CPXM2: variants seen among roughly 807,000 people sequenced by gnomAD.
The protein encoded by CPXM2 is inactive carboxypeptidase-like protein X2.
In CPXM2, 66 loss-of-function variants were observed where a neutral mutation model predicts 86.1. The observed-to-expected ratio is 0.77, with a 90% CI of 0.63 to 0.94. The LOEUF is 0.94. Ranked by LOEUF, CPXM2 falls within the 40% of genes least tolerant of loss-of-function variation. The pLI is 0.00. For missense variants in CPXM2, 948 were observed against 1,026.3 expected, an observed-to-expected ratio of 0.92 and a Z score of 1.04; for synonymous variants, 388 against 400.2, an observed-to-expected ratio of 0.97 and a Z score of 0.36.
intron 10 of CPXM2, among the ~76,000 whole-genome samples, chr10:123,763,498 A>G (rs2133991501): frequency 6.6e-6 from 1 of 151,432 alleles, no homozygotes; most frequent in African/African-American, 2.4e-5. Context: ...GTTTTATCCC[A>G]TATGTGTATA....
rs774008546 is a variant in CPXM2 at position 123,762,003 on chromosome 10, C to A, written c.1646G>T (p.Arg549Leu). The A allele has an allele frequency of 4.3e-6, 7 of 1,613,442 alleles. No homozygotes were observed. Among genetic ancestry groups the A allele is most frequent in the East Asian group, 2.2e-5 (1 of 44,880 alleles). ...HTPTPDDHVF[R>L]WLAYSYASTH... ...GGAGGCATAGGAGTAGGCCAGCCAG[C>A]GGAACACGTGGTCGTCGGGGGTGGG... The change falls in exon 11 of 14, where the codon CGC (arginine) becomes CTC (leucine). Residue 549 changes from arginine (R) to leucine (L), a missense_variant. Physicochemically the swap from Arg to Leu is moderately radical, Grantham distance 102. Transcript: ENST00000241305.
chr10:123,781,917 A>T (rs1208728058), intron 6 of CPXM2, among the ~76,000 whole-genome samples: 3 of 152,214 alleles, frequency 2.0e-5, no homozygotes, highest in African/African-American at 7.2e-5. Context: ...TCACTTAAAG[A>T]CTGGCTTCAC....
chr10:123,887,306 A>G (rs973592378), intron 1 of CPXM2: 4 of 152,160 alleles, frequency 2.6e-5, no homozygotes, highest in African/African-American at 9.7e-5. Context: ...AGTGTTCACA[A>G]TGAGGACCTC....
intron 11 of CPXM2, 109 bp downstream of exon 11, chr10:123,761,763 G>A: frequency 9.0e-7 from 1 of 1,110,212 alleles, no homozygotes; most frequent in Non-Finnish European, 1.3e-6. Flanking sequence ...CACCGTGGCA[G>A]CCACCACTTA....
intron 3 of CPXM2, among the ~76,000 whole-genome samples, chr10:123,851,732 A>C (rs1009218523): frequency 6.7e-6 from 1 of 150,050 alleles, no homozygotes; most frequent in Non-Finnish European, 1.5e-5. Flanking sequence ...TCACGCCACT[A>C]CACTCCAGCC....
chr10:123,906,245 A>G (rs1438014105), intron 2 of CPXM2, among the ~76,000 whole-genome samples: 1 of 152,190 alleles, frequency 6.6e-6, no homozygotes, highest in African/African-American at 2.4e-5. Flanking sequence ...AACCTTACTG[A>G]GCCTCTGTGT....
At chr10:123,894,236 A>G (rs149897678), upstream of CPXM2, among the ~76,000 whole-genome samples, 2 of 152,286 alleles carry the variant, frequency 1.3e-5, no homozygotes, top group African/African-American at 4.8e-5. Context: ...GCTTTTCAGC[A>G]CCTCTTAGGT....
At chr10:123,836,870 T>C (rs1848292800) in intron 4 of CPXM2, among the ~76,000 whole-genome samples, 1 of 143,922 alleles carries the variant, frequency 6.9e-6, no homozygotes, top group African/African-American at 2.6e-5. Flanking sequence ...CAATTTTCCC[T>C]TCACCTGGAT....
chr10:123,849,097 T>C lies in CPXM2; in HGVS notation c.514-6609A>G, dbSNP rs181685874. Among the ~76,000 whole-genome samples, 29 of 152,362 alleles carry C rather than the reference T, an allele frequency of 1.9e-4. 1 individual carries two copies. Among genetic ancestry groups the C allele is most frequent in the Middle Eastern group, 3.4e-3 (1 of 294 alleles). ...CATTTAGCCCATTGACAGATGTTCTTTGTCTGAATGAATCATCCGTGTTTC... is the reference window on the plus strand; with the variant it reads ...CATTTAGCCCATTGACAGATGTTCTCTGTCTGAATGAATCATCCGTGTTTC... On this transcript the variant is annotated intron_variant, in intron 3 of 13. Coordinates refer to ENST00000241305, the MANE Select transcript of CPXM2 (RefSeq NM_198148.3).
chr10:123,909,424 G>A (rs1945470786), intron 2 of CPXM2, among the ~76,000 whole-genome samples: 1 of 152,150 alleles, frequency 6.6e-6, no homozygotes, highest in Admixed American at 6.5e-5. Context: ...ATTAACTAGT[G>A]CCATGCCCAG....
At chr10:123,874,136 T>A (rs902781951) in intron 2 of CPXM2, among the ~76,000 whole-genome samples, 1 of 152,116 alleles carries the variant, frequency 6.6e-6, no homozygotes, top group African/African-American at 2.4e-5. Flanking sequence ...GTGCTGGGAT[T>A]ACAGGAGTGA....
chr10:123,918,486 C>A (rs913274157), intron 2 of CPXM2, among the ~76,000 whole-genome samples: 1 of 152,154 alleles, frequency 6.6e-6, no homozygotes, highest in Non-Finnish European at 1.5e-5. Context: ...AGCAGAGTGT[C>A]CTGGAGTGCT....
At chr10:123,930,241 G>A (rs1427505400) in intron 2 of CPXM2, among the ~76,000 whole-genome samples, 1 of 152,190 alleles carries the variant, frequency 6.6e-6, no homozygotes, top group Non-Finnish European at 1.5e-5. Flanking sequence ...CCTCTCCTGG[G>A]CTTTTGCTCA....
At chr10:123,901,429 T>TTGTGTGTGTGTGTG (rs3069582) in intron 2 of CPXM2, among the ~76,000 whole-genome samples, 2,550 of 138,976 alleles carry the variant, frequency 0.018, 62 homozygotes, top group African/African-American at 0.043. Context: ...CCAAGCAAGT[T>TTGTGTGTGTGTGTG]TGTGTGTGTG....
At chr10:123,932,383 A>C (rs1011226718) in intron 2 of CPXM2, among the ~76,000 whole-genome samples, 1 of 152,202 alleles carries the variant, frequency 6.6e-6, no homozygotes, top group African/African-American at 2.4e-5. Flanking sequence ...TTAACACCCC[A>C]TAGGACACTC....
intron 4 of CPXM2, among the ~76,000 whole-genome samples, chr10:123,829,355 A>G (rs887973040): frequency 6.6e-6 from 1 of 150,518 alleles, no homozygotes; most frequent in Non-Finnish European, 1.5e-5. Context: ...ACAAATGTGT[A>G]TAACCAACGT....
intron 4 of CPXM2, among the ~76,000 whole-genome samples, chr10:123,809,437 T>A (rs1159459937): frequency 6.6e-6 from 1 of 152,176 alleles, no homozygotes. Context: ...CAAAAGTTAG[T>A]CATAGTGCAT....
chr10:123,836,528 G>A (rs1848285080), intron 4 of CPXM2, among the ~76,000 whole-genome samples: 1 of 152,108 alleles, frequency 6.6e-6, no homozygotes, highest in South Asian at 2.1e-4. Context: ...ACCACCAAGC[G>A]TGCCCAAAAG....
At chr10:123,911,848 T>G (rs1028463524) in intron 2 of CPXM2, among the ~76,000 whole-genome samples, 3 of 152,164 alleles carry the variant, frequency 2.0e-5, no homozygotes, top group African/African-American at 7.2e-5. Flanking sequence ...CTCTACATGT[T>G]ACCAGTGGTG....
Sources: gnomAD v4.1 joint callset for allele counts (sites outside exome capture counted in the v4.1 genomes callset) on GRCh38, gnomAD v4.1.1 for gene constraint, MANE v1.5 for transcripts, NCBI Gene and HGNC (gene_info 2026-07-23, HGNC 2026-07-21) for gene names.